The following SUGCT variants were observed in gnomAD, a reference collection of about 807,000 sequenced individuals.
SUGCT encodes succinyl-CoA:glutarate CoA-transferase.
In SUGCT, 41 loss-of-function variants were observed where a neutral mutation model predicts 55.0. The ratio of observed to expected loss-of-function variants is 0.74; its 90% CI spans 0.58 to 0.97. SUGCT has a LOEUF of 0.97. Among genes scored for constraint, SUGCT ranks in the 50% least tolerant of loss-of-function variants. The pLI is 0.00. For missense variants in SUGCT, 568 were observed against 547.8 expected (o/e 1.04, Z -0.37); for synonymous variants, 187 against 200.4 (o/e 0.93, Z 0.56).
At chr7:40,500,657 T>C (rs1792229145) in intron 12 of SUGCT, among the ~76,000 whole-genome samples, 1 of 152,222 alleles carries the variant, frequency 6.6e-6, no homozygotes, top group African/African-American at 2.4e-5. Flanking sequence ...TTGTCTGTTT[T>C]CATCTCATTA....
intron 12 of SUGCT, among the ~76,000 whole-genome samples, chr7:40,698,581 G>A (rs1785040199): frequency 6.6e-6 from 1 of 152,138 alleles, no homozygotes; most frequent in African/African-American, 2.4e-5. Context: ...CACATATCAG[G>A]CTATCAACAC....
chr7:41,024,661 CAAA>C, the SUGCT span, among the ~76,000 whole-genome samples: 5 of 121,448 alleles, frequency 4.1e-5, no homozygotes, highest in East Asian at 2.4e-4. Context: ...AACAATTTGG[CAAA>C]AAAAAAAAAA....
At chr7:40,248,886 TCG>T (rs541035947) in intron 7 of SUGCT, among the ~76,000 whole-genome samples, 7 of 111,046 alleles carry the variant, frequency 6.3e-5, no homozygotes, top group Non-Finnish European at 9.5e-5. Flanking sequence ...GCGCGCGCGC[TCG>T]CACACACACA....
At chr7:40,435,021 A>G (rs932785904) in intron 9 of SUGCT, among the ~76,000 whole-genome samples, 4 of 152,120 alleles carry the variant, frequency 2.6e-5, no homozygotes, top group South Asian at 2.1e-4. Context: ...CGCCAAGCCG[A>G]AAGATGTTTT....
At chr7:40,802,480 T>A (rs1790878473) in intron 13 of SUGCT, among the ~76,000 whole-genome samples, 2 of 152,306 alleles carry the variant, frequency 1.3e-5, no homozygotes, top group African/African-American at 4.8e-5. Flanking sequence ...TCTTGTTCAT[T>A]ATGGATAAGA....
chr7:40,168,579 C>T (rs7796371), intron 1 of SUGCT, among the ~76,000 whole-genome samples: 58,852 of 152,006 alleles, frequency 0.39, 12,790 homozygotes, highest in Middle Eastern at 0.59. Flanking sequence ...GCACACTTCA[C>T]AGGCCCTGAC....
At chr7:40,375,704 T>C (rs1232093997) in intron 9 of SUGCT, among the ~76,000 whole-genome samples, 1 of 87,308 alleles carries the variant, frequency 1.1e-5, no homozygotes, top group East Asian at 3.6e-4. Context: ...CACCACAGTA[T>C]TTCTCAATTT....
chr7:40,324,244 A>ATATATATATATATATATATATATATATAT (rs1562681042), intron 9 of SUGCT, among the ~76,000 whole-genome samples: 1 of 98,478 alleles, frequency 1.0e-5, no homozygotes, highest in African/African-American at 4.4e-5. Context: ...TAAATAAATA[A>ATATATATATATATATATATATATATATAT]ATAAATAAAT....
In SUGCT at chr7:40,629,995, G is replaced by A. The variant is rs908593327; in HGVS notation, c.1090-119439G>A. ...AAAGCCTAGCACTTCAGGAGAGAAC[G>A]GTTTTGGGGATTACCAGCCTGTATT... On this transcript the variant is annotated intron_variant, in intron 12 of 13. Transcript: ENST00000335693. Among the ~76,000 whole-genome samples, 7 of 152,080 alleles carry A rather than the reference G, an allele frequency of 4.6e-5. No individual in the cohort carries two copies. In the East Asian group the frequency reaches 5.8e-4, roughly 13 times the overall value.
At chr7:40,922,603 C>T in the SUGCT span, among the ~76,000 whole-genome samples, 1 of 152,200 alleles carries the variant, frequency 6.6e-6, no homozygotes, top group African/African-American at 2.4e-5. Flanking sequence ...TAGAAATCAA[C>T]AATGACTGTA....
At chr7:40,296,612 C>CGTGT (rs10528858) in intron 8 of SUGCT, among the ~76,000 whole-genome samples, 12,349 of 144,356 alleles carry the variant, frequency 0.086, 709 homozygotes, top group East Asian at 0.23. Flanking sequence ...GTGAGTGACT[C>CGTGT]GTGTGTGTGT....
chr7:40,866,951 C>T, the SUGCT span, among the ~76,000 whole-genome samples: 1 of 151,504 alleles, frequency 6.6e-6, no homozygotes, highest in African/African-American at 2.4e-5. Context: ...TCTGTGTGGG[C>T]GCTTTTCTGG....
chr7:40,887,509 T>A, the SUGCT span, among the ~76,000 whole-genome samples: 10 of 152,080 alleles, frequency 6.6e-5, no homozygotes, highest in Non-Finnish European at 1.5e-4. Flanking sequence ...GACAGAGAGG[T>A]TGGAGTCAAG....
chr7:40,851,021 T>C (rs1793824326), intron 13 of SUGCT, among the ~76,000 whole-genome samples: 3 of 152,202 alleles, frequency 2.0e-5, no homozygotes, highest in Admixed American at 1.3e-4. Context: ...CAGCTTTATA[T>C]GACACTTTAT....
At chr7:40,186,443 G>T (rs1170131614) in intron 3 of SUGCT, among the ~76,000 whole-genome samples, 2 of 151,756 alleles carry the variant, frequency 1.3e-5, no homozygotes, top group Non-Finnish European at 2.9e-5. Flanking sequence ...ATTGTTTGTA[G>T]AGACAGGGTT....
chr7:40,700,457 CTT>C (rs1785127297), intron 12 of SUGCT, among the ~76,000 whole-genome samples: 2 of 152,176 alleles, frequency 1.3e-5, no homozygotes, highest in Admixed American at 6.5e-5. Context: ...CCAATATACT[CTT>C]GTTTGAGTGA....
At chr7:40,709,190 T>C (rs1785577316) in intron 12 of SUGCT, among the ~76,000 whole-genome samples, 2 of 152,222 alleles carry the variant, frequency 1.3e-5, no homozygotes, top group Admixed American at 1.3e-4. Flanking sequence ...ACAATGTTGT[T>C]TGATGCCCTT....
chr7:40,555,781 C>G (rs1795529068), intron 12 of SUGCT, among the ~76,000 whole-genome samples: 1 of 151,740 alleles, frequency 6.6e-6, no homozygotes, highest in Admixed American at 6.6e-5. Flanking sequence ...GTGCTCAATA[C>G]CTTCATATCT....
intron 9 of SUGCT, among the ~76,000 whole-genome samples, chr7:40,392,999 G>T (rs1785526082): frequency 6.6e-6 from 1 of 152,116 alleles, no homozygotes; most frequent in African/African-American, 2.4e-5. Flanking sequence ...GTTTGGTTTG[G>T]GGCACATTGT....
Sources: allele counts gnomAD v4.1 joint callset (sites outside exome capture counted in the v4.1 genomes callset), GRCh38; gene constraint gnomAD v4.1.1; transcripts MANE v1.5; gene names NCBI Gene and HGNC (gene_info 2026-07-23, HGNC 2026-07-21).